MYO3B: variants seen among roughly 807,000 people sequenced by gnomAD.
The protein encoded by MYO3B is myosin-IIIb.
In MYO3B, 156 loss-of-function variants were observed where a neutral mutation model predicts 174.6. That is an observed-to-expected ratio of 0.89 (90% confidence interval 0.78 to 1.02). The LOEUF (loss-of-function observed/expected upper bound fraction) is 1.02, where lower values mean the gene tolerates loss of function less well. MYO3B is among the 50% of genes least tolerant of loss of function. The pLI, the probability that MYO3B is intolerant of heterozygous loss-of-function variation, is 0.00. For synonymous variants in MYO3B, 563 were observed against 569.1 expected, an observed-to-expected ratio of 0.99 and a Z score of 0.15; for missense variants, 1,632 against 1,639.4, an observed-to-expected ratio of 1.00 and a Z score of 0.08.
chr2:170,221,970 G>T (rs1055528656), intron 6 of MYO3B, among the ~76,000 whole-genome samples: 5 of 152,172 alleles, frequency 3.3e-5, no homozygotes, highest in African/African-American at 1.2e-4. Flanking sequence ...ATTTCACATG[G>T]AGACTATTTA....
At chr2:170,623,073 T>C (rs992564966) in intron 32 of MYO3B, among the ~76,000 whole-genome samples, 4 of 152,246 alleles carry the variant, frequency 2.6e-5, no homozygotes, top group Admixed American at 2.0e-4. Flanking sequence ...TTTATATTCC[T>C]TTGGGTATAT....
At chr2:170,214,313 T>A in intron 3 of MYO3B, 66 bp from the exon 4 acceptor site, 1 of 1,368,490 alleles carries the variant, frequency 7.3e-7, no homozygotes, top group South Asian at 1.2e-5. Flanking sequence ...TTTTCTTAAT[T>A]TCTTTTTCTT....
chr2:170,198,907 A>T (rs1574563794), intron 1 of MYO3B, among the ~76,000 whole-genome samples: 1 of 152,170 alleles, frequency 6.6e-6, no homozygotes, highest in Non-Finnish European at 1.5e-5. Context: ...ACAACTGTCC[A>T]ATCATGACCA....
At chr2:170,235,383 C>G (rs1352783103) in intron 6 of MYO3B, among the ~76,000 whole-genome samples, 1 of 152,188 alleles carries the variant, frequency 6.6e-6, no homozygotes, top group Non-Finnish European at 1.5e-5. Flanking sequence ...TTTTCTGGTT[C>G]TGCTGCTCTT....
chr2:170,527,919 T>C (rs995359801), intron 30 of MYO3B, among the ~76,000 whole-genome samples: 5 of 152,224 alleles, frequency 3.3e-5, no homozygotes, highest in Non-Finnish European at 5.9e-5. Context: ...ATTTAGAATC[T>C]TTGGCCATAA....
intron 6 of MYO3B, among the ~76,000 whole-genome samples, chr2:170,234,251 G>A (rs935197806): frequency 3.3e-5 from 5 of 149,768 alleles, no homozygotes; most frequent in Admixed American, 3.3e-4. Flanking sequence ...TGCTATAACA[G>A]ATTATCTGAG....
intron 23 of MYO3B, among the ~76,000 whole-genome samples, chr2:170,454,376 G>T (rs948091005): frequency 6.6e-6 from 1 of 152,158 alleles, no homozygotes; most frequent in Non-Finnish European, 1.5e-5. Context: ...CCAAGATTGG[G>T]CTACAGACAG....
chr2:170,618,045 C>T (rs1695578368), intron 32 of MYO3B, among the ~76,000 whole-genome samples: 1 of 152,120 alleles, frequency 6.6e-6, no homozygotes, highest in Admixed American at 6.5e-5. Flanking sequence ...ACAGAGTGAC[C>T]AGACGGTAGT....
intron 32 of MYO3B, among the ~76,000 whole-genome samples, chr2:170,635,474 G>C (rs1292322350): frequency 2.0e-5 from 3 of 151,932 alleles, no homozygotes; most frequent in Admixed American, 6.6e-5. Flanking sequence ...GGGGTGGGGG[G>C]AGCGGGGGAG....
chr2:170,577,584 G>A (rs1692859685), intron 32 of MYO3B, among the ~76,000 whole-genome samples: 1 of 152,226 alleles, frequency 6.6e-6, no homozygotes, highest in East Asian at 1.9e-4. Flanking sequence ...CCGTTGATCA[G>A]TATTAGGCTG....
At chr2:170,241,658 G>T (rs975814269) in intron 7 of MYO3B, among the ~76,000 whole-genome samples, 1 of 149,328 alleles carries the variant, frequency 6.7e-6, no homozygotes, top group East Asian at 2.0e-4. Flanking sequence ...CCAGGGTCTG[G>T]ATCCTTGTGG....
intron 6 of MYO3B, among the ~76,000 whole-genome samples, chr2:170,233,941 G>A (rs963074221): frequency 2.0e-5 from 3 of 152,162 alleles, no homozygotes; most frequent in Middle Eastern, 3.4e-3. Context: ...GGAGGCCGAG[G>A]CGGGTGGATC....
chr2:170,387,402 A>C (rs1215140889), intron 14 of MYO3B, 94 bp downstream of exon 14: 22 of 1,152,820 alleles, frequency 1.9e-5, no homozygotes, highest in Non-Finnish European at 2.7e-5. Flanking sequence ...TCTTGTTCTT[A>C]ACATTCCCCT....
At chr2:170,398,816 G>A (rs977336365) in intron 16 of MYO3B, among the ~76,000 whole-genome samples, 4 of 152,182 alleles carry the variant, frequency 2.6e-5, no homozygotes, top group Non-Finnish European at 4.4e-5. Flanking sequence ...CTCGAGTCCT[G>A]CAGTCAGGAC....
Position 170,208,287 on chromosome 2 carries a change from G to A in MYO3B, c.322-6092G>A, listed in dbSNP as rs530876428. ...TCCTTATCATAAGCCAAATGCTAAGGTGAAGCTGTGGAATTGAGTCCTCCT... is the reference window on the plus strand; with the variant it reads ...TCCTTATCATAAGCCAAATGCTAAGATGAAGCTGTGGAATTGAGTCCTCCT... On this transcript the variant is annotated intron_variant, in intron 3 of 34. Transcript: ENST00000408978. 5.9e-5 allele frequency among the ~76,000 whole-genome samples: 9 copies of A among 152,290 alleles called. No individual in the cohort carries two copies. The South Asian group carries it at 1.9e-3, about 32-fold the overall frequency.
chr2:170,501,768 T>C lies in MYO3B; in HGVS notation c.3290-17T>C, dbSNP rs1341001694. 10 of 1,564,926 alleles carry C rather than the reference T, an allele frequency of 6.4e-6. No individual in the cohort carries two copies. Among genetic ancestry groups the C allele is most frequent in the Non-Finnish European group, 8.8e-6 (10 of 1,137,208 alleles). On this transcript the variant is annotated splice_polypyrimidine_tract_variant and intron_variant, in intron 27 of 34. Transcript: ENST00000408978. ...TTAAATTAATGTCATTCCTAGCACA[T>C]GGTTTTATATTTTTAGCCTGGAGAG...
At chr2:170,652,280 T>C (rs1699062460) in intron 34 of MYO3B, 126 bp downstream of exon 34, 6 of 762,708 alleles carry the variant, frequency 7.9e-6, no homozygotes, top group Non-Finnish European at 1.1e-5. Context: ...GCCACTCTTA[T>C]TGACATTGGA....
chr2:170,649,436 T>TACATATAAAATATATAATATATA (rs1174594446), intron 32 of MYO3B, among the ~76,000 whole-genome samples: 3 of 130,504 alleles, frequency 2.3e-5, no homozygotes, highest in Admixed American at 9.4e-5. Flanking sequence ...TATAATATAT[T>TACATATAAAATATATAATATATA]ACATATAAAA....
intron 9 of MYO3B, among the ~76,000 whole-genome samples, chr2:170,369,715 T>A (rs1004828770): frequency 6.7e-6 from 1 of 149,168 alleles, no homozygotes; most frequent in African/African-American, 2.5e-5. Context: ...CCAATAGAGG[T>A]AACCGTATGA....
Sources: gnomAD v4.1 joint callset for allele counts (sites outside exome capture counted in the v4.1 genomes callset) on GRCh38, gnomAD v4.1.1 for gene constraint, MANE v1.5 for transcripts, NCBI Gene and HGNC (gene_info 2026-07-23, HGNC 2026-07-21) for gene names.